The following EFCAB8 variants were observed in gnomAD, a reference collection of about 807,000 sequenced individuals.
The protein encoded by EFCAB8 is EF-hand calcium-binding domain-containing protein 8.
EFCAB8 carries 100 observed loss-of-function variants against 116.3 expected under a neutral mutation model. The ratio of observed to expected loss-of-function variants is 0.86; its 90% CI spans 0.73 to 1.02. EFCAB8 has a LOEUF of 1.02. Ranked by LOEUF, EFCAB8 falls within the 50% of genes least tolerant of loss-of-function variation. The pLI, the probability that EFCAB8 is intolerant of heterozygous loss-of-function variation, is 0.00. For missense variants in EFCAB8, 1,320 were observed against 1,416.9 expected (o/e 0.93, Z 1.10); for synonymous variants, 558 against 567.9 (o/e 0.98, Z 0.25).
chr20:32,930,608 T>C lies in EFCAB8; in HGVS notation c.2623T>C (p.Tyr875His). ...WILITGDCKG[Y>H]IKIWDIKDYC... ...CCTCATCACGGGGGATTGTAAAGGA[T>C]ACATCAAGGTGAGGAAGAACTGGCA... Residue 875 changes from tyrosine (Y) to histidine (H), a missense_variant, in exon 21 of 27, where the codon TAC becomes CAC. Coordinates refer to ENST00000400522, the MANE Select transcript of EFCAB8 (RefSeq NM_001143967.2). The C allele has an allele frequency of 1.3e-6, 2 of 1,552,196 alleles. No homozygotes were observed. The highest frequency in any genetic ancestry group is 4.9e-5 in the East Asian group (2 of 40,914).
At chr20:32,904,539 T>A (rs1986584376) in intron 11 of EFCAB8, among the ~76,000 whole-genome samples, 1 of 151,398 alleles carries the variant, frequency 6.6e-6, no homozygotes, top group Non-Finnish European at 1.5e-5. Flanking sequence ...CCTCAAGGGA[T>A]CCTCCTGCCT....
Position 32,917,445 on chromosome 20 carries a change from A to G in EFCAB8, c.2001A>G (p.Thr667=). The change falls in exon 18 of 27, where the codon ACA becomes ACG. Residue 667 remains threonine (T), a synonymous_variant. Transcript: ENST00000400522. ...ACATCCTCTTCTGGAACACCGGCAC[A>G]CTCAAGCCCATCTTCAACTTCAATG... ...SGDILFWNTG[T]LKPIFNFNAS... is the part of the protein sequence containing the mutation. 1.3e-6 allele frequency: 2 copies of G among 1,552,080 alleles called. No individual in the cohort carries two copies. The highest frequency in any genetic ancestry group is 1.7e-6 in the Non-Finnish European group (2 of 1,147,066).
chr20:32,891,561 G>A (rs1407283412), intron 7 of EFCAB8, among the ~76,000 whole-genome samples: 2 of 152,228 alleles, frequency 1.3e-5, no homozygotes, highest in Non-Finnish European at 2.9e-5. Context: ...CTGCTGTCCT[G>A]ATGGAGCAGC....
At chr20:32,876,345 G>C (rs1382925995) in intron 4 of EFCAB8, among the ~76,000 whole-genome samples, 1 of 152,206 alleles carries the variant, frequency 6.6e-6, no homozygotes, top group African/African-American at 2.4e-5. Context: ...CTCCCATTTG[G>C]CTTGGGGGAT....
intron 1 of EFCAB8, among the ~76,000 whole-genome samples, chr20:32,861,449 C>G (rs1368076647): frequency 3.3e-5 from 5 of 152,170 alleles, no homozygotes; most frequent in Admixed American, 3.3e-4. Flanking sequence ...CCACCACACC[C>G]AGCTAACGTT....
rs180776769 is a variant in EFCAB8 at position 32,887,768 on chromosome 20, C to T, written c.568-1533C>T. ...TCACATTCTGTCTGTGCACATGCTACACGAGTGCAGGATGCACCAGTGCTG... is the reference window on the plus strand; with the variant it reads ...TCACATTCTGTCTGTGCACATGCTATACGAGTGCAGGATGCACCAGTGCTG... On this transcript the variant is annotated intron_variant, in intron 6 of 26. Transcript: ENST00000400522. 4.1e-3 allele frequency among the ~76,000 whole-genome samples: 618 copies of T among 152,372 alleles called. 5 individuals are homozygous for T. Among genetic ancestry groups the T allele is most frequent in the African/African-American group, 0.014 (599 of 41,594 alleles).
chr20:32,935,783 G>A (rs1754574541), intron 22 of EFCAB8, among the ~76,000 whole-genome samples: 1 of 152,194 alleles, frequency 6.6e-6, no homozygotes, highest in South Asian at 2.1e-4. Flanking sequence ...GGGATTACAA[G>A]AGTGAGTGCA....
intron 23 of EFCAB8, among the ~76,000 whole-genome samples, chr20:32,945,755 C>T (rs1988577321): frequency 6.6e-6 from 1 of 152,164 alleles, no homozygotes; most frequent in Admixed American, 6.5e-5. Flanking sequence ...AATTCTGCAC[C>T]AATCAGCTTG....
chr20:32,957,287 C>T lies in EFCAB8; in HGVS notation c.2960-1134C>T, dbSNP rs115733121. ...TCTCTTGATTATTGGTTATATTGGCCTTTTCACATGTCATATATACAAAAT... is the reference window on the plus strand; with the variant it reads ...TCTCTTGATTATTGGTTATATTGGCTTTTTCACATGTCATATATACAAAAT... On this transcript the variant is annotated intron_variant, in intron 23 of 26. Transcript: ENST00000400522. 8.3e-3 allele frequency among the ~76,000 whole-genome samples: 1,254 copies of T among 151,248 alleles called. 19 individuals carry two copies. Among genetic ancestry groups the T allele is most frequent in the African/African-American group, 0.028 (1,136 of 41,168 alleles).
At chr20:32,886,196 T>A (rs11697940) in intron 6 of EFCAB8, among the ~76,000 whole-genome samples, 1 of 152,092 alleles carries the variant, frequency 6.6e-6, no homozygotes, top group Non-Finnish European at 1.5e-5. Context: ...CAAATGGGGC[T>A]AGTTACAGTG....
chr20:32,930,661 A>G, intron 21 of EFCAB8, 45 bp downstream of exon 21: 1 of 1,527,472 alleles, frequency 6.5e-7, no homozygotes, highest in Non-Finnish European at 8.9e-7. Context: ...GTGCCAGCTA[A>G]GTGTTCGGCC....
chr20:32,915,952 A>G (rs1481551558), intron 17 of EFCAB8, among the ~76,000 whole-genome samples: 1 of 152,032 alleles, frequency 6.6e-6, no homozygotes, highest in Non-Finnish European at 1.5e-5. Flanking sequence ...GATTACAGGC[A>G]TGAGCCACCC....
At chr20:32,867,456 C>T (rs1388636177) in intron 2 of EFCAB8, 126 bp from the exon 3 acceptor site, 13 of 1,028,994 alleles carry the variant, frequency 1.3e-5, no homozygotes, top group Non-Finnish European at 1.4e-6. Flanking sequence ...GTATTTCTGT[C>T]AGTGACATCA....
At chr20:32,919,133 CA>C (rs1196325862) in intron 19 of EFCAB8, among the ~76,000 whole-genome samples, 1 of 152,140 alleles carries the variant, frequency 6.6e-6, no homozygotes, top group African/African-American at 2.4e-5. Flanking sequence ...TCCCTACTTG[CA>C]GGGGATGGCT....
At chr20:32,939,195 CTTTCTT>C (rs1988293737) in intron 22 of EFCAB8, among the ~76,000 whole-genome samples, 1 of 58,888 alleles carries the variant, frequency 1.7e-5, no homozygotes, top group Non-Finnish European at 3.3e-5. Context: ...TTCTTTCTTT[CTTTCTT>C]TCCTCTCTCT....
In EFCAB8 at chr20:32,893,239, C is replaced by A; in HGVS notation, c.824C>A (p.Ser275Tyr). Residue 275 changes from serine (S) to tyrosine (Y), a missense_variant, in exon 9 of 27, where the codon TCC (serine) becomes TAC (tyrosine). Transcript: ENST00000400522. ...AAAGGCAACGTCATTGTCTTCACCT[C>A]CGAAAACATGACCAGTGGGCTGTTC... ...DAKGNVIVFT[S>Y]ENMTSGLFNP... The A allele has an allele frequency of 6.4e-7, 1 of 1,552,066 alleles. No homozygotes were observed.
chr20:32,917,225 G>A, intron 17 of EFCAB8, 76 bp from the exon 18 acceptor site: 1 of 1,192,872 alleles, frequency 8.4e-7, no homozygotes, highest in East Asian at 2.6e-5. Flanking sequence ...GAATCCTCAA[G>A]GCTCCAGTGC....
At chr20:32,908,217 G>A in intron 13 of EFCAB8, 58 bp from the exon 14 acceptor site, 2 of 1,246,650 alleles carry the variant, frequency 1.6e-6, no homozygotes, top group Non-Finnish European at 2.0e-6. Flanking sequence ...GAGGCTTCAG[G>A]AGCCGGCTAC....
chr20:32,891,281 T>C lies in EFCAB8; in HGVS notation c.674-932T>C, dbSNP rs375913537. On this transcript the variant is annotated intron_variant, in intron 7 of 26. Coordinates refer to ENST00000400522, the MANE Select transcript of EFCAB8 (RefSeq NM_001143967.2). ...ATTTATTTTGGTTGAAAAAAAAATA[T>C]TGAATTCTGGTTCGATGATGGGCTG... is the stretch of plus-strand genomic sequence containing the variant. 2.3e-4 allele frequency among the ~76,000 whole-genome samples: 35 copies of C among 152,234 alleles called. 1 individual carries two copies. Among genetic ancestry groups the C allele is most frequent in the South Asian group, 8.3e-4 (4 of 4,812 alleles).
Sources: gnomAD v4.1 joint callset for allele counts (sites outside exome capture counted in the v4.1 genomes callset) on GRCh38, gnomAD v4.1.1 for gene constraint, MANE v1.5 for transcripts, NCBI Gene and HGNC (gene_info 2026-07-23, HGNC 2026-07-21) for gene names.